TMEM132D: variants seen among roughly 807,000 people sequenced by gnomAD.
TMEM132D encodes mature OL transmembrane protein.
A neutral mutation model predicts 62.3 loss-of-function variants in TMEM132D; 21 were observed. That is an observed-to-expected ratio of 0.34 (90% confidence interval 0.24 to 0.49). The LOEUF is 0.49. Ranked by LOEUF, TMEM132D falls within the 20% of genes least tolerant of loss-of-function variation. The pLI is 0.99. For synonymous variants in TMEM132D, 621 were observed against 575.6 expected (o/e 1.08, Z -1.13); for missense variants, 1,346 against 1,402.8 (o/e 0.96, Z 0.65).
chr12:129,747,727 GAC>G (rs958596974), intron 1 of TMEM132D, among the ~76,000 whole-genome samples: 13 of 143,284 alleles, frequency 9.1e-5, no homozygotes, highest in Middle Eastern at 3.8e-3. Flanking sequence ...CATACACACA[GAC>G]ACACACACAC....
chr12:129,218,842 G>T (rs1241126405), intron 4 of TMEM132D, among the ~76,000 whole-genome samples: 16 of 152,180 alleles, frequency 1.1e-4, no homozygotes, highest in Admixed American at 1.0e-3. Context: ...CGGGAGTGAG[G>T]CGTAAGCAGC....
At chr12:129,582,944 T>TTTTG (rs971120500) in intron 2 of TMEM132D, among the ~76,000 whole-genome samples, 1 of 151,964 alleles carries the variant, frequency 6.6e-6, no homozygotes, top group Non-Finnish European at 1.5e-5. Flanking sequence ...TTTTGTTTTG[T>TTTTG]TTTGGAGACA....
At chr12:129,767,209 T>C (rs1026255587) in intron 1 of TMEM132D, among the ~76,000 whole-genome samples, 1 of 152,222 alleles carries the variant, frequency 6.6e-6, no homozygotes, top group Non-Finnish European at 1.5e-5. Context: ...ATAAAAGCTT[T>C]CTGCTTTGGC....
intron 1 of TMEM132D, among the ~76,000 whole-genome samples, chr12:129,883,298 G>A (rs1287523406): frequency 1.3e-5 from 2 of 152,054 alleles, no homozygotes; most frequent in East Asian, 3.9e-4. Flanking sequence ...CAAAAATCTG[G>A]AAGACCAGTA....
chr12:129,819,256 T>A (rs1330124674), intron 1 of TMEM132D, among the ~76,000 whole-genome samples: 1 of 152,086 alleles, frequency 6.6e-6, no homozygotes. Flanking sequence ...TGCACTTTGA[T>A]CATGGCATTT....
chr12:129,126,029 A>T (rs1431459952), intron 5 of TMEM132D, among the ~76,000 whole-genome samples: 1 of 152,100 alleles, frequency 6.6e-6, no homozygotes, highest in Non-Finnish European at 1.5e-5. Context: ...GCCCAACCTG[A>T]GCACCCCTCT....
At chr12:129,613,846 G>A (rs1312006912) in intron 2 of TMEM132D, among the ~76,000 whole-genome samples, 1 of 151,458 alleles carries the variant, frequency 6.6e-6, no homozygotes, top group Non-Finnish European at 1.5e-5. Flanking sequence ...CCAGGGGATC[G>A]GCTCCAGAAC....
chr12:129,865,317 TC>T (rs1874023931), intron 1 of TMEM132D, among the ~76,000 whole-genome samples: 1 of 152,072 alleles, frequency 6.6e-6, no homozygotes, highest in Non-Finnish European at 1.5e-5. Flanking sequence ...CAGAATAATG[TC>T]CGGTGTGGCT....
chr12:129,651,845 G>A (rs1200156707), intron 2 of TMEM132D, among the ~76,000 whole-genome samples: 4 of 152,156 alleles, frequency 2.6e-5, no homozygotes, highest in African/African-American at 9.7e-5. Context: ...AAATTGCCAG[G>A]GGTCATGAAA....
At chr12:129,209,764 C>A in intron 4 of TMEM132D, 101 bp from the exon 5 acceptor site, 1 of 1,491,090 alleles carries the variant, frequency 6.7e-7, no homozygotes, top group East Asian at 2.3e-5. Flanking sequence ...GCAAACAGCA[C>A]TGGCCTCTTC....
At chr12:129,830,743 G>A (rs1268982474) in intron 1 of TMEM132D, among the ~76,000 whole-genome samples, 1 of 152,026 alleles carries the variant, frequency 6.6e-6, no homozygotes, top group Non-Finnish European at 1.5e-5. Context: ...GCCTTATCTC[G>A]TCATTTTTCT....
intron 2 of TMEM132D, among the ~76,000 whole-genome samples, chr12:129,660,529 C>T (rs1351799394): frequency 6.6e-6 from 1 of 152,138 alleles, no homozygotes; most frequent in Non-Finnish European, 1.5e-5. Context: ...ACAGATGTGT[C>T]CCCTTTATGC....
Position 129,827,085 on chromosome 12 carries a change from T to C in TMEM132D, c.79+76176A>G, listed in dbSNP as rs12308620. Among the ~76,000 whole-genome samples the C allele has an allele frequency of 0.18, 27,410 of 152,200 alleles. 2,751 individuals are homozygous for C. The highest frequency in any genetic ancestry group is 0.28 in the African/African-American group (11,524 of 41,522). On this transcript the variant is annotated intron_variant, in intron 1 of 8. Coordinates refer to ENST00000422113, the MANE Select transcript of TMEM132D (RefSeq NM_133448.3). The surrounding 1 kb of genome is among the most constrained non-coding windows in gnomAD (Gnocchi z 9.7). ...TATGAATTGATTTTAGTGATCATTATTTGGTGGTTCAGAAGGCAATTTAAC... is the reference window on the plus strand; with the variant it reads ...TATGAATTGATTTTAGTGATCATTACTTGGTGGTTCAGAAGGCAATTTAAC...
At chr12:129,152,892 G>A (rs1047626824) in intron 5 of TMEM132D, among the ~76,000 whole-genome samples, 1 of 152,112 alleles carries the variant, frequency 6.6e-6, no homozygotes, top group African/African-American at 2.4e-5. Context: ...GAGATGCCAG[G>A]GTATCTTTCT....
intron 1 of TMEM132D, among the ~76,000 whole-genome samples, chr12:129,889,361 C>T (rs1874848527): frequency 6.6e-6 from 1 of 152,192 alleles, no homozygotes; most frequent in Non-Finnish European, 1.5e-5. Context: ...ATAGAGCCCA[C>T]ATCTGGATGT....
At chr12:129,509,715 A>G (rs1875442375) in intron 3 of TMEM132D, among the ~76,000 whole-genome samples, 2 of 152,162 alleles carry the variant, frequency 1.3e-5, no homozygotes, top group Admixed American at 6.5e-5. Context: ...AAGATGGAAC[A>G]TGCAATGTTT....
chr12:129,157,449 C>T (rs1016313239), intron 5 of TMEM132D, among the ~76,000 whole-genome samples: 1 of 152,242 alleles, frequency 6.6e-6, no homozygotes, highest in South Asian at 2.1e-4. Context: ...TCTGTCCACT[C>T]TTTATGTTCA....
intron 5 of TMEM132D, among the ~76,000 whole-genome samples, chr12:129,109,132 A>G (rs1236930221): frequency 6.6e-6 from 1 of 152,228 alleles, no homozygotes; most frequent in Non-Finnish European, 1.5e-5. Flanking sequence ...AAAGCACAAT[A>G]GCGTTAGAAG....
chr12:129,547,419 A>C (rs1364224005), intron 2 of TMEM132D, among the ~76,000 whole-genome samples: 1 of 152,128 alleles, frequency 6.6e-6, no homozygotes, highest in Non-Finnish European at 1.5e-5. Flanking sequence ...GCTTTCTCAA[A>C]GGAATACTGG....
Sources: gnomAD v4.1 joint callset for allele counts (sites outside exome capture counted in the v4.1 genomes callset) on GRCh38, gnomAD v4.1.1 for gene constraint, Gnocchi (gnomAD v3.1) non-coding constraint, MANE v1.5 for transcripts, NCBI Gene and HGNC (gene_info 2026-07-23, HGNC 2026-07-21) for gene names.